PTPRD: variants seen among roughly 807,000 people sequenced by gnomAD.
PTPRD encodes protein tyrosine phosphatase receptor type D.
Under a neutral mutation model 214.5 loss-of-function variants are expected in PTPRD, and 34 were observed. The ratio of observed to expected loss-of-function variants is 0.16; its 90% CI spans 0.12 to 0.21. PTPRD has a LOEUF of 0.21. Ranked by LOEUF, PTPRD falls within the 10% of genes least tolerant of loss-of-function variation. The pLI is 1.00. For missense variants in PTPRD, 2,545 were observed against 2,398.7 expected (o/e 1.06, Z -1.27); for synonymous variants, 1,128 against 845.7 (o/e 1.33, Z -5.79).
intron 11 of PTPRD, among the ~76,000 whole-genome samples, chr9:9,007,179 G>A (rs1404160922): frequency 6.6e-6 from 1 of 151,736 alleles, no homozygotes; most frequent in African/African-American, 2.4e-5. Flanking sequence ...GAGGTTATGA[G>A]TAGAGGTATA....
intron 3 of PTPRD, among the ~76,000 whole-genome samples, chr9:10,310,033 A>G (rs934510257): frequency 6.6e-6 from 1 of 152,120 alleles, no homozygotes; most frequent in Non-Finnish European, 1.5e-5. Flanking sequence ...GAGGTATCAT[A>G]CAATCAAAGC....
intron 8 of PTPRD, among the ~76,000 whole-genome samples, chr9:9,488,052 T>C (rs2095732240): frequency 1.3e-5 from 2 of 152,214 alleles, no homozygotes; most frequent in Non-Finnish European, 2.9e-5. Flanking sequence ...TGGATTGTTA[T>C]ATATGTTGAT....
In PTPRD at chr9:9,159,257, A is replaced by C. The variant is rs371106519; in HGVS notation, c.-143+24047T>G. Among the ~76,000 whole-genome samples the C allele has an allele frequency of 5.3e-4, 81 of 152,284 alleles. 1 individual carries two copies. The highest frequency in any genetic ancestry group is 1.9e-3 in the African/African-American group (78 of 41,570). On this transcript the variant is annotated intron_variant, in intron 10 of 45. Transcript: ENST00000381196. Reference sequence around the variant, plus strand: ...AGAACTACCTAATAGAAAATGAAGAAGTGAAATAGGAAATGAAGAATAGAA... The same window carrying C: ...AGAACTACCTAATAGAAAATGAAGACGTGAAATAGGAAATGAAGAATAGAA...
intron 3 of PTPRD, among the ~76,000 whole-genome samples, chr9:10,126,383 T>A (rs1283430135): frequency 5.3e-5 from 8 of 151,700 alleles, no homozygotes; most frequent in Admixed American, 4.6e-4. Context: ...TTTCAAGGGT[T>A]CAGTATTGAA....
chr9:8,420,122 C>T (rs923308912), intron 35 of PTPRD, among the ~76,000 whole-genome samples: 1 of 152,114 alleles, frequency 6.6e-6, no homozygotes, highest in African/African-American at 2.4e-5. Flanking sequence ...TACCAAAATC[C>T]TGACAAATTC....
intron 9 of PTPRD, among the ~76,000 whole-genome samples, chr9:9,252,111 C>T (rs1478883029): frequency 6.6e-6 from 1 of 151,978 alleles, no homozygotes; most frequent in African/African-American, 2.4e-5. Context: ...CCCTGGGGTA[C>T]TCTGTTGTAG....
rs559081775 is a variant in PTPRD at position 9,900,295 on chromosome 9, C to A, written c.-368+38212G>T. Among the ~76,000 whole-genome samples, 4 of 152,296 alleles carry A rather than the reference C, an allele frequency of 2.6e-5. No homozygotes were observed. The East Asian group carries it at 7.7e-4, about 29-fold the overall frequency. ...TTAGAAGAAGCCAGGCCACATACTG[C>A]ATGCTTTGCAGCTTAGATATTTCTT... On this transcript the variant is annotated intron_variant, in intron 5 of 45. Transcript: ENST00000381196.
Position 10,014,376 on chromosome 9 carries a change from T to A in PTPRD, c.-472+19342A>T, listed in dbSNP as rs115415761. Among the ~76,000 whole-genome samples the A allele has an allele frequency of 6.5e-3, 992 of 152,166 alleles. 9 individuals are homozygous for A. The highest frequency in any genetic ancestry group is 0.022 in the African/African-American group (924 of 41,564). On this transcript the variant is annotated intron_variant, in intron 4 of 45. Transcript: ENST00000381196. ...CAAGAAGGAATGTTACATTTACTTT[T>A]CACATTTTATTATGTAGACTGTTAA...
chr9:10,040,919 C>G (rs2097286070), intron 3 of PTPRD, among the ~76,000 whole-genome samples: 1 of 152,030 alleles, frequency 6.6e-6, no homozygotes, highest in Non-Finnish European at 1.5e-5. Flanking sequence ...CACCCTCTTG[C>G]TAACCAAATT....
chr9:10,432,250 C>T (rs2098687165), intron 2 of PTPRD, among the ~76,000 whole-genome samples: 1 of 127,044 alleles, frequency 7.9e-6, no homozygotes, highest in Admixed American at 1.0e-4. Flanking sequence ...ATCACATGGA[C>T]ACAGGAAGGG....
chr9:10,417,406 T>C (rs923622687), intron 2 of PTPRD, among the ~76,000 whole-genome samples: 1 of 151,930 alleles, frequency 6.6e-6, no homozygotes, highest in Non-Finnish European at 1.5e-5. Flanking sequence ...GAATATCTTA[T>C]CTTTGCCTGG....
At chr9:10,488,517 G>A (rs1456838511) in intron 2 of PTPRD, among the ~76,000 whole-genome samples, 1 of 152,188 alleles carries the variant, frequency 6.6e-6, no homozygotes, top group East Asian at 1.9e-4. Flanking sequence ...GGCAATGTCA[G>A]GCAGGCCTGT....
intron 5 of PTPRD, among the ~76,000 whole-genome samples, chr9:9,798,093 A>C (rs550042129): frequency 6.6e-6 from 1 of 152,118 alleles, no homozygotes; most frequent in East Asian, 1.9e-4. Flanking sequence ...AAATAAAACA[A>C]AAGAATTTAC....
intron 5 of PTPRD, among the ~76,000 whole-genome samples, chr9:9,908,991 T>A (rs965008659): frequency 6.6e-6 from 1 of 151,984 alleles, no homozygotes; most frequent in East Asian, 1.9e-4. Flanking sequence ...AAAATTGACA[T>A]GATCATATAT....
intron 12 of PTPRD, among the ~76,000 whole-genome samples, chr9:8,697,038 G>A (rs2097925208): frequency 6.6e-6 from 1 of 152,268 alleles, no homozygotes; most frequent in Admixed American, 6.5e-5. Flanking sequence ...AACAGTTTCT[G>A]CCTAGAAGAA....
At chr9:10,279,683 G>C (rs1475093294) in intron 3 of PTPRD, among the ~76,000 whole-genome samples, 1 of 149,250 alleles carries the variant, frequency 6.7e-6, no homozygotes, top group Non-Finnish European at 1.5e-5. Flanking sequence ...CACTATGCTA[G>C]CTTATGAGCA....
rs7861830 is a variant in PTPRD at position 8,535,232 on chromosome 9, G to A, written c.353-6453C>T. ...TCCATCAATAGATCTAAAGGGATCAGAGGCATGTGACTCTAAGGCTTGATC... is the reference window on the plus strand; with the variant it reads ...TCCATCAATAGATCTAAAGGGATCAAAGGCATGTGACTCTAAGGCTTGATC... On this transcript the variant is annotated intron_variant, in intron 14 of 45. Transcript: ENST00000381196. 7.1e-3 allele frequency among the ~76,000 whole-genome samples: 1,085 copies of A among 152,044 alleles called. 10 individuals are homozygous for A. The highest frequency in any genetic ancestry group is 0.024 in the African/African-American group (1,015 of 41,550).
At chr9:9,052,049 T>C (rs1381237254) in intron 10 of PTPRD, among the ~76,000 whole-genome samples, 4 of 152,208 alleles carry the variant, frequency 2.6e-5, no homozygotes, top group African/African-American at 4.8e-5. Context: ...TTATTTCTCA[T>C]AGTTCTGGAG....
chr9:8,320,599 T>C (rs1303935261), intron 44 of PTPRD, among the ~76,000 whole-genome samples: 1 of 152,060 alleles, frequency 6.6e-6, no homozygotes, highest in Non-Finnish European at 1.5e-5. Context: ...TATGTTGTTT[T>C]CTTATTTCTT....
Sources: gnomAD v4.1 joint callset for allele counts (sites outside exome capture counted in the v4.1 genomes callset) on GRCh38, gnomAD v4.1.1 for gene constraint, MANE v1.5 for transcripts, NCBI Gene and HGNC (gene_info 2026-07-23, HGNC 2026-07-21) for gene names.